SCHIP1: variants seen among roughly 807,000 people sequenced by gnomAD.
SCHIP1 encodes schwannomin-interacting protein 1.
SCHIP1 carries 8 observed loss-of-function variants against 29.7 expected under a neutral mutation model. The observed-to-expected ratio is 0.27, with a 90% CI of 0.16 to 0.49. The LOEUF (loss-of-function observed/expected upper bound fraction) is 0.49, where lower values mean the gene tolerates loss of function less well. SCHIP1 is among the 20% of genes least tolerant of loss of function. The pLI is 0.99. For missense variants in SCHIP1, 193 were observed against 294.6 expected, an observed-to-expected ratio of 0.66 and a Z score of 2.52; for synonymous variants, 76 against 94.9, an observed-to-expected ratio of 0.80 and a Z score of 1.16.
chr3:159,443,150 A>G, the SCHIP1 span, among the ~76,000 whole-genome samples: 1 of 152,162 alleles, frequency 6.6e-6, no homozygotes, highest in African/African-American at 2.4e-5. Context: ...TGAGACTGCG[A>G]TTCTCTCTGA....
chr3:159,380,103 T>G, the SCHIP1 span, among the ~76,000 whole-genome samples: 32 of 152,292 alleles, frequency 2.1e-4, no homozygotes, highest in African/African-American at 7.5e-4. Flanking sequence ...TATATCTAGT[T>G]TGTAATGCTG....
chr3:159,577,077 T>C, the SCHIP1 span, among the ~76,000 whole-genome samples: 1 of 152,190 alleles, frequency 6.6e-6, no homozygotes, highest in Non-Finnish European at 1.5e-5. Flanking sequence ...ATTGTCCTGG[T>C]TAGATCATTA....
chr3:159,356,681 G>A, the SCHIP1 span, among the ~76,000 whole-genome samples: 1 of 152,172 alleles, frequency 6.6e-6, no homozygotes, highest in Non-Finnish European at 1.5e-5. Flanking sequence ...GTGTGCCAGG[G>A]TCTGAAAGAG....
At chr3:159,733,367 C>T in the SCHIP1 span, among the ~76,000 whole-genome samples, 5,641 of 152,160 alleles carry the variant, frequency 0.037, 333 homozygotes, top group African/African-American at 0.13. Context: ...TGGGATTTTA[C>T]TGAGAGCTTG....
chr3:159,723,394 T>G, the SCHIP1 span, among the ~76,000 whole-genome samples: 1 of 152,182 alleles, frequency 6.6e-6, no homozygotes, highest in Admixed American at 6.5e-5. Flanking sequence ...TGTTTCTATG[T>G]TTTCTCCAGA....
the SCHIP1 span, among the ~76,000 whole-genome samples, chr3:159,302,172 G>T: frequency 6.6e-6 from 1 of 152,132 alleles, no homozygotes; most frequent in African/African-American, 2.4e-5. Flanking sequence ...TGGTTGCTAG[G>T]GGTAGTGAGG....
At chr3:159,365,439 C>T in the SCHIP1 span, among the ~76,000 whole-genome samples, 1 of 151,974 alleles carries the variant, frequency 6.6e-6, no homozygotes, top group Non-Finnish European at 1.5e-5. Context: ...TACTCTTTAT[C>T]CCTTTGTCTT....
At chr3:159,546,890 A>G in the SCHIP1 span, among the ~76,000 whole-genome samples, 6 of 152,100 alleles carry the variant, frequency 3.9e-5, no homozygotes, top group African/African-American at 1.4e-4. Flanking sequence ...ATACATGTGC[A>G]TGTGTCTTTA....
the SCHIP1 span, among the ~76,000 whole-genome samples, chr3:159,676,304 T>C: frequency 1.1e-3 from 164 of 152,342 alleles, 1 homozygote; most frequent in African/African-American, 3.8e-3. Flanking sequence ...ATTACTCAGA[T>C]TATGCTGAAG....
chr3:159,680,479 A>G, the SCHIP1 span, among the ~76,000 whole-genome samples: 8 of 139,978 alleles, frequency 5.7e-5, 1 homozygote, highest in African/African-American at 2.2e-4. Context: ...ACTGCACTCC[A>G]GCCTGGTGAC....
At chr3:159,449,484 C>T in the SCHIP1 span, among the ~76,000 whole-genome samples, 10 of 152,162 alleles carry the variant, frequency 6.6e-5, no homozygotes, top group South Asian at 6.2e-4. Context: ...AAGACATTAA[C>T]AATAATGAAG....
the SCHIP1 span, among the ~76,000 whole-genome samples, chr3:159,460,068 T>A: frequency 6.6e-6 from 1 of 152,186 alleles, no homozygotes; most frequent in African/African-American, 2.4e-5. Context: ...CATGGCGGCT[T>A]CTCATCAACT....
the SCHIP1 span, among the ~76,000 whole-genome samples, chr3:159,579,133 C>T: frequency 2.0e-5 from 3 of 152,078 alleles, no homozygotes; most frequent in Non-Finnish European, 4.4e-5. Flanking sequence ...AATGCAAATA[C>T]AGGGTTAAAA....
chr3:159,317,574 C>A, the SCHIP1 span, among the ~76,000 whole-genome samples: 5 of 152,130 alleles, frequency 3.3e-5, no homozygotes, highest in African/African-American at 1.2e-4. Context: ...TTGCCCCAGC[C>A]CTGCAAAGTA....
At chr3:159,444,675 G>A in the SCHIP1 span, among the ~76,000 whole-genome samples, 3 of 152,152 alleles carry the variant, frequency 2.0e-5, no homozygotes, top group Non-Finnish European at 4.4e-5. Context: ...GAGACAAAGT[G>A]ATGAGAGATG....
the SCHIP1 span, among the ~76,000 whole-genome samples, chr3:159,756,482 A>G: frequency 6.6e-6 from 1 of 152,026 alleles, no homozygotes; most frequent in African/African-American, 2.4e-5. Flanking sequence ...GGCCCACAAA[A>G]CCACTTTTAC....
At chr3:159,428,742 C>A in the SCHIP1 span, among the ~76,000 whole-genome samples, 33 of 151,828 alleles carry the variant, frequency 2.2e-4, no homozygotes, top group South Asian at 2.1e-4. Context: ...AAGACAGATA[C>A]ACACGTATGT....
the SCHIP1 span, among the ~76,000 whole-genome samples, chr3:159,477,434 T>C: frequency 2.6e-5 from 4 of 152,194 alleles, no homozygotes; most frequent in East Asian, 7.7e-4. Context: ...CTCTGAACTT[T>C]CACCAACACT....
chr3:159,734,211 C>T, the SCHIP1 span, among the ~76,000 whole-genome samples: 2 of 143,494 alleles, frequency 1.4e-5, no homozygotes, highest in Non-Finnish European at 3.0e-5. Context: ...GGCGCAATCT[C>T]GGCTCACTTC....
Sources: gnomAD v4.1 joint callset for allele counts (sites outside exome capture counted in the v4.1 genomes callset) on GRCh38, gnomAD v4.1.1 for gene constraint, MANE v1.5 for transcripts, NCBI Gene and HGNC (gene_info 2026-07-23, HGNC 2026-07-21) for gene names.